GALNT13: variants seen among roughly 807,000 people sequenced by gnomAD.
GALNT13 encodes the protein polypeptide N-acetylgalactosaminyltransferase 13.
In GALNT13, 28 loss-of-function variants were observed where a neutral mutation model predicts 64.2. The observed-to-expected ratio is 0.44, with a 90% CI of 0.32 to 0.60. The LOEUF is 0.60. Among genes scored for constraint, GALNT13 ranks in the 20% least tolerant of loss-of-function variants. The pLI is 0.05. For synonymous variants in GALNT13, 214 were observed against 224.6 expected (o/e 0.95, Z 0.42); for missense variants, 577 against 669.8 (o/e 0.86, Z 1.53).
chr2:154,181,171 TTTA>T (rs1685938330), intron 4 of GALNT13, among the ~76,000 whole-genome samples: 1 of 152,194 alleles, frequency 6.6e-6, no homozygotes, highest in Non-Finnish European at 1.5e-5. Context: ...TAATCAATAC[TTTA>T]TTGTTGTATA....
the GALNT13 span, among the ~76,000 whole-genome samples, chr2:153,707,507 T>C: frequency 6.6e-6 from 1 of 152,198 alleles, no homozygotes; most frequent in East Asian, 1.9e-4. Flanking sequence ...GATACAAGCA[T>C]GTGACCTACA....
At chr2:153,556,123 A>G in the GALNT13 span, among the ~76,000 whole-genome samples, 1 of 151,958 alleles carries the variant, frequency 6.6e-6, no homozygotes, top group Non-Finnish European at 1.5e-5. Context: ...TTCTTTTTTC[A>G]TAGATGGTGA....
the GALNT13 span, among the ~76,000 whole-genome samples, chr2:153,346,529 A>G: frequency 1.3e-5 from 2 of 152,134 alleles, no homozygotes; most frequent in African/African-American, 4.8e-5. Flanking sequence ...ATTTTTTTTA[A>G]TGAAAGATTC....
chr2:154,424,516 C>A (rs1020350258), intron 11 of GALNT13, among the ~76,000 whole-genome samples: 1 of 152,114 alleles, frequency 6.6e-6, no homozygotes, highest in African/African-American at 2.4e-5. Flanking sequence ...AAGGCTAGCA[C>A]CTCTGACCCT....
chr2:153,278,266 G>A, the GALNT13 span, among the ~76,000 whole-genome samples: 1 of 152,000 alleles, frequency 6.6e-6, no homozygotes, highest in South Asian at 2.1e-4. Context: ...ACCTCTGTCA[G>A]ATGCATAGTT....
chr2:153,692,452 C>T, the GALNT13 span, among the ~76,000 whole-genome samples: 2 of 152,176 alleles, frequency 1.3e-5, no homozygotes, highest in Non-Finnish European at 2.9e-5. Context: ...TCCTTTTGGT[C>T]AGTAGAGAAG....
At chr2:153,479,409 G>C in the GALNT13 span, among the ~76,000 whole-genome samples, 4 of 152,202 alleles carry the variant, frequency 2.6e-5, no homozygotes, top group African/African-American at 9.6e-5. Context: ...TCTACACCCA[G>C]CTTCCTTTAC....
the GALNT13 span, among the ~76,000 whole-genome samples, chr2:153,673,375 T>G: frequency 6.6e-6 from 1 of 152,148 alleles, no homozygotes; most frequent in Non-Finnish European, 1.5e-5. Flanking sequence ...CAAGACAGCT[T>G]CATCCCTGGG....
chr2:153,342,728 A>C, the GALNT13 span, among the ~76,000 whole-genome samples: 1 of 152,066 alleles, frequency 6.6e-6, no homozygotes, highest in Non-Finnish European at 1.5e-5. Context: ...AGTTGCTTTT[A>C]AACTGACAGC....
chr2:153,714,065 G>A, the GALNT13 span, among the ~76,000 whole-genome samples: 1 of 152,134 alleles, frequency 6.6e-6, no homozygotes, highest in Non-Finnish European at 1.5e-5. Context: ...TACCAGTGTT[G>A]TACTGAAACA....
chr2:153,772,078 G>C, the GALNT13 span, among the ~76,000 whole-genome samples: 1 of 152,154 alleles, frequency 6.6e-6, no homozygotes, highest in African/African-American at 2.4e-5. Flanking sequence ...TGACTGGAGA[G>C]AGCTGATTCC....
At chr2:153,410,450 CAA>C in the GALNT13 span, among the ~76,000 whole-genome samples, 6 of 152,092 alleles carry the variant, frequency 3.9e-5, no homozygotes, top group African/African-American at 1.4e-4. Flanking sequence ...AGTAAGAGTA[CAA>C]GAGAGAGCTT....
chr2:153,988,504 C>A (rs1694955517), intron 3 of GALNT13, among the ~76,000 whole-genome samples: 1 of 151,940 alleles, frequency 6.6e-6, no homozygotes, highest in African/African-American at 2.4e-5. Flanking sequence ...GGTAAAATAT[C>A]CTTTTTTTGA....
chr2:153,975,640 T>G (rs528553662), intron 3 of GALNT13, among the ~76,000 whole-genome samples: 1 of 152,292 alleles, frequency 6.6e-6, no homozygotes. Context: ...ATAACAATTC[T>G]TCTTAATTTG....
intron 9 of GALNT13, among the ~76,000 whole-genome samples, chr2:154,377,425 G>A (rs1433669726): frequency 6.6e-6 from 1 of 152,144 alleles, no homozygotes; most frequent in Non-Finnish European, 1.5e-5. Flanking sequence ...AAGAAGGCAG[G>A]CAGGTAGGAA....
intron 9 of GALNT13, among the ~76,000 whole-genome samples, chr2:154,332,146 T>C (rs1695200123): frequency 6.6e-6 from 1 of 152,106 alleles, no homozygotes; most frequent in Admixed American, 6.6e-5. Flanking sequence ...TATACCCTTA[T>C]GACCTTGTCT....
chr2:153,559,391 A>G, the GALNT13 span, among the ~76,000 whole-genome samples: 1 of 152,098 alleles, frequency 6.6e-6, no homozygotes, highest in Non-Finnish European at 1.5e-5. Flanking sequence ...TGAATCTTGT[A>G]GTCTGTCGAA....
At chr2:153,118,108 A>AACACAC in the GALNT13 span, among the ~76,000 whole-genome samples, 378 of 12,804 alleles carry the variant, frequency 0.03, 4 homozygotes, top group African/African-American at 0.036. Context: ...ACTATGTACC[A>AACACAC]ACACACACAC....
At chr2:153,649,507 C>G in the GALNT13 span, among the ~76,000 whole-genome samples, 1 of 145,984 alleles carries the variant, frequency 6.9e-6, no homozygotes, top group African/African-American at 2.6e-5. Context: ...CTTCTGCTAG[C>G]TTTTGAATGT....
Sources: gnomAD v4.1 joint callset for allele counts (sites outside exome capture counted in the v4.1 genomes callset) on GRCh38, gnomAD v4.1.1 for gene constraint, MANE v1.5 for transcripts, NCBI Gene and HGNC (gene_info 2026-07-23, HGNC 2026-07-21) for gene names.